The following RELN variants were observed in gnomAD, a reference collection of about 807,000 sequenced individuals.
RELN encodes reelin.
Under a neutral mutation model 427.6 loss-of-function variants are expected in RELN, and 108 were observed. The ratio of observed to expected loss-of-function variants is 0.25; its 90% confidence interval spans 0.22 to 0.30. The LOEUF is 0.30. Ranked by LOEUF, RELN falls within the 10% of genes least tolerant of loss-of-function variation. The pLI, the probability that RELN is intolerant of heterozygous loss-of-function variation, is 1.00. For missense variants in RELN, 3,715 were observed against 4,302.8 expected, an observed-to-expected ratio of 0.86 and a Z score of 3.82; for synonymous variants, 1,524 against 1,513.4, an observed-to-expected ratio of 1.01 and a Z score of -0.16.
intron 41 of RELN, among the ~76,000 whole-genome samples, chr7:103,549,917 G>A (rs1830376469): frequency 6.6e-6 from 1 of 152,188 alleles, no homozygotes; most frequent in African/African-American, 2.4e-5. Flanking sequence ...ACCAGTGGTA[G>A]CTTTCTGGTT....
At chr7:103,950,799 C>T (rs910497567) in intron 1 of RELN, among the ~76,000 whole-genome samples, 2 of 152,150 alleles carry the variant, frequency 1.3e-5, no homozygotes, top group African/African-American at 2.4e-5. Context: ...ATGATCTATT[C>T]CCCTTTCCTT....
At chr7:103,491,848 TCTCTCTCTCACACACACACACA>T (rs1187383325) in intron 58 of RELN, 83 bp downstream of exon 58, 1,089 of 579,008 alleles carry the variant, frequency 1.9e-3, no homozygotes, top group Non-Finnish European at 2.3e-3. Context: ...TCTCTCTCTC[TCTCTCTCTCACACACACACACA>T]CACACACACA....
At chr7:103,978,967 G>A (rs1796935915) in intron 1 of RELN, among the ~76,000 whole-genome samples, 1 of 152,162 alleles carries the variant, frequency 6.6e-6, no homozygotes, top group Non-Finnish European at 1.5e-5. Flanking sequence ...AATGGTACAG[G>A]GAGAAATGAT....
At chr7:103,561,352 G>A (rs1212115785) in intron 36 of RELN, among the ~76,000 whole-genome samples, 180 bp downstream of exon 36, 1 of 152,126 alleles carries the variant, frequency 6.6e-6, no homozygotes, top group Non-Finnish European at 1.5e-5. Flanking sequence ...TTATGCCCAA[G>A]TAATCATGAA....
At chr7:103,727,029 T>C (rs1224460297) in intron 7 of RELN, among the ~76,000 whole-genome samples, 1 of 152,132 alleles carries the variant, frequency 6.6e-6, no homozygotes, top group Non-Finnish European at 1.5e-5. Context: ...AATGTATCTA[T>C]TGGCATGAAA....
intron 1 of RELN, among the ~76,000 whole-genome samples, chr7:103,985,118 G>A (rs1797069630): frequency 6.6e-6 from 1 of 152,060 alleles, no homozygotes; most frequent in South Asian, 2.1e-4. Context: ...TTTAGGAATA[G>A]AACATTGATT....
intron 3 of RELN, among the ~76,000 whole-genome samples, chr7:103,803,954 A>G (rs1792531750): frequency 6.6e-6 from 1 of 152,076 alleles, no homozygotes. Context: ...CAAGGCCATA[A>G]AAACCACTGA....
At chr7:103,858,744 G>A (rs775997498) in intron 2 of RELN, among the ~76,000 whole-genome samples, 5 of 152,128 alleles carry the variant, frequency 3.3e-5, no homozygotes, top group South Asian at 2.1e-4. Context: ...ATGCAAAGAC[G>A]CTTCCATGGT....
chr7:103,863,978 A>C (rs1794133138), intron 2 of RELN, among the ~76,000 whole-genome samples: 3 of 152,160 alleles, frequency 2.0e-5, no homozygotes, highest in Admixed American at 2.0e-4. Flanking sequence ...CAATAAAGTT[A>C]CACCCAGCCT....
At chr7:103,521,506 T>C (rs10235872) in intron 48 of RELN, among the ~76,000 whole-genome samples, 3,537 of 152,292 alleles carry the variant, frequency 0.023, 143 homozygotes, top group African/African-American at 0.081. Flanking sequence ...TAATTCATTG[T>C]TCTTAATAAA....
intron 60 of RELN, among the ~76,000 whole-genome samples, chr7:103,487,807 C>T (rs750675326): frequency 6.6e-6 from 1 of 152,136 alleles, no homozygotes; most frequent in Non-Finnish European, 1.5e-5. Flanking sequence ...TATTTTAACT[C>T]GTTGGATTCC....
chr7:103,857,278 T>C (rs1326058844), intron 2 of RELN, among the ~76,000 whole-genome samples: 1 of 152,234 alleles, frequency 6.6e-6, no homozygotes, highest in Non-Finnish European at 1.5e-5. Context: ...TATCATTGAA[T>C]ATAAATTTTA....
chr7:103,476,580 A>G (rs1307353486), intron 64 of RELN: 1 of 167,490 alleles, frequency 6.0e-6, no homozygotes, highest in East Asian at 1.7e-4. Context: ...CTTTTGAGTC[A>G]GTTAGGTTGA....
chr7:103,970,338 T>C (rs1335710764), intron 1 of RELN, among the ~76,000 whole-genome samples: 1 of 152,008 alleles, frequency 6.6e-6, no homozygotes, highest in Non-Finnish European at 1.5e-5. Flanking sequence ...GTGATGGGGT[T>C]TCACCACTTT....
chr7:103,688,852 T>C (rs1264548929), intron 10 of RELN, among the ~76,000 whole-genome samples: 2 of 152,116 alleles, frequency 1.3e-5, no homozygotes, highest in East Asian at 3.9e-4. Context: ...CCTTAATGGG[T>C]TGCTGATTTA....
At chr7:103,517,327 T>G (rs1195575020) in intron 49 of RELN, among the ~76,000 whole-genome samples, 1 of 152,168 alleles carries the variant, frequency 6.6e-6, no homozygotes, top group Non-Finnish European at 1.5e-5. Flanking sequence ...TTTATCTCTA[T>G]TTTTTCTTTC....
chr7:103,635,632 A>G, intron 18 of RELN, 46 bp from the exon 19 acceptor site: 1 of 1,508,628 alleles, frequency 6.6e-7, no homozygotes, highest in Non-Finnish European at 9.2e-7. Context: ...AACATTTTTA[A>G]TCATAATGTT....
chr7:103,670,999 A>T (rs935752872), intron 11 of RELN, among the ~76,000 whole-genome samples: 2 of 152,102 alleles, frequency 1.3e-5, no homozygotes, highest in African/African-American at 2.4e-5. Context: ...TAAGGTTTTT[A>T]AAAAATCTCA....
At chr7:103,706,399 C>T (rs1037456493) in intron 8 of RELN, among the ~76,000 whole-genome samples, 9 of 148,696 alleles carry the variant, frequency 6.1e-5, no homozygotes, top group African/African-American at 2.1e-4. Context: ...TAGCACCCAT[C>T]CAAAAAAAAA....
Sources: allele counts gnomAD v4.1 joint callset (sites outside exome capture counted in the v4.1 genomes callset), GRCh38; gene constraint gnomAD v4.1.1; transcripts MANE v1.5; gene names NCBI Gene and HGNC (gene_info 2026-07-23, HGNC 2026-07-21).